GALK2: variants seen among roughly 807,000 people sequenced by gnomAD.
GALK2 encodes the protein N-acetylgalactosamine kinase.
In GALK2, 36 loss-of-function variants were observed where a neutral mutation model predicts 52.4. The observed-to-expected ratio is 0.69, with a 90% CI of 0.53 to 0.91. The LOEUF (loss-of-function observed/expected upper bound fraction) is 0.91, where lower values mean the gene tolerates loss of function less well. Among genes scored for constraint, GALK2 ranks in the 40% least tolerant of loss-of-function variants. The probability of loss-of-function intolerance (pLI) is 0.00; values close to 1 mark genes in which losing one functional copy is unlikely to be tolerated. For synonymous variants in GALK2, 176 were observed against 199.1 expected, an observed-to-expected ratio of 0.88 and a Z score of 0.98; for missense variants, 579 against 559.1, an observed-to-expected ratio of 1.04 and a Z score of -0.36.
chr15:49,185,939 G>C (rs2086307144), intron 1 of GALK2, among the ~76,000 whole-genome samples: 1 of 152,060 alleles, frequency 6.6e-6, no homozygotes, highest in Admixed American at 6.6e-5. Flanking sequence ...TTCTCTCCTA[G>C]CCTGTAAGGT....
intron 1 of GALK2, among the ~76,000 whole-genome samples, chr15:49,160,806 G>A (rs1027717295): frequency 1.3e-5 from 2 of 151,932 alleles, no homozygotes; most frequent in African/African-American, 2.4e-5. Flanking sequence ...AGGTGGAGGC[G>A]GAGGTTGCAG....
At chr15:49,192,508 T>C (rs939459475) in intron 1 of GALK2, among the ~76,000 whole-genome samples, 2 of 138,126 alleles carry the variant, frequency 1.4e-5, no homozygotes, top group African/African-American at 2.7e-5. Flanking sequence ...TATATATATA[T>C]ATATATATAT....
chr15:49,331,770 G>GA lies in GALK2; in HGVS notation c.*3615dup. 1.3e-6 allele frequency: 2 copies of GA among 1,543,038 alleles called. No individual in the cohort carries two copies. The highest frequency in any genetic ancestry group is 1.8e-6 in the Non-Finnish European group (2 of 1,115,706). The stretch of plus-strand genomic sequence containing the variant: ...GAGAATTCTCAATTATTTTCAGAAA[G>GA]AAAACCTACCAGTTTATGTAGGAAC... On this transcript the variant is annotated 3_prime_UTR_variant, in exon 10 of 10. Transcript: ENST00000560031.
At chr15:49,295,217 AT>A (rs2034352781) in intron 8 of GALK2, among the ~76,000 whole-genome samples, 1 of 151,980 alleles carries the variant, frequency 6.6e-6, no homozygotes, top group Admixed American at 6.6e-5. Context: ...AAGAAAAGAA[AT>A]ATAAGGTAAA....
In GALK2 at chr15:49,282,011, A is replaced by C. The variant is rs761963687; in HGVS notation, c.529A>C (p.Lys177Gln). The C allele has an allele frequency of 6.2e-7, 1 of 1,613,798 alleles. No individual in the cohort carries two copies. The highest frequency in any genetic ancestry group is 1.1e-5 in the South Asian group (1 of 91,010). ...SKVELAEICAKSERYIGTEGG... is the reference protein window; with the variant it reads ...SKVELAEICAQSERYIGTEGG... ...GGTGGAACTTGCAGAAATCTGTGCC[A>C]AGAGTGAGCGTTACATTGGCACTGA... Residue 177 changes from lysine to glutamine, a missense_variant, in exon 6 of 10, where the codon AAG (lysine) becomes CAG (glutamine). Coordinates refer to ENST00000560031, the MANE Select transcript of GALK2 (RefSeq NM_002044.4).
chr15:49,280,635 A>G (rs2032552395), intron 5 of GALK2, among the ~76,000 whole-genome samples: 1 of 152,130 alleles, frequency 6.6e-6, no homozygotes. Context: ...TTTCAGAATA[A>G]TTATTCTAGA....
intron 1 of GALK2, among the ~76,000 whole-genome samples, chr15:49,164,822 A>C (rs2084771187): frequency 6.6e-6 from 1 of 151,714 alleles, no homozygotes; most frequent in South Asian, 2.1e-4. Flanking sequence ...AAAAAGGAAA[A>C]AACAAAATAT....
intron 3 of GALK2, chr15:49,366,803 C>T (rs2045293528): frequency 1.8e-6 from 1 of 564,660 alleles, no homozygotes; most frequent in Non-Finnish European, 3.1e-6. Flanking sequence ...GGGATCGCCG[C>T]TGCTGCAGGG....
intron 1 of GALK2, among the ~76,000 whole-genome samples, chr15:49,176,123 A>G (rs1595885369): frequency 6.6e-6 from 1 of 152,242 alleles, no homozygotes. Flanking sequence ...AGGCCCAGAG[A>G]GACATGAATA....
intron 8 of GALK2, among the ~76,000 whole-genome samples, chr15:49,303,988 G>A (rs541424284): frequency 5.3e-5 from 8 of 152,274 alleles, no homozygotes; most frequent in African/African-American, 1.9e-4. Flanking sequence ...ATTATCAAAG[G>A]ATCAGCTGTG....
At chr15:49,357,255 A>G (rs1279783058) in intron 3 of GALK2, among the ~76,000 whole-genome samples, 2 of 151,112 alleles carry the variant, frequency 1.3e-5, no homozygotes, top group Non-Finnish European at 1.5e-5. Flanking sequence ...TGAAGGAAAT[A>G]GAGACACAAA....
chr15:49,200,505 T>C (rs929928465), intron 1 of GALK2, among the ~76,000 whole-genome samples: 46 of 152,208 alleles, frequency 3.0e-4, no homozygotes, highest in African/African-American at 1.0e-3. Context: ...ATATGACTGG[T>C]GTCCTTACAA....
chr15:49,172,164 CTATCTA>C (rs1431505767), intron 1 of GALK2, among the ~76,000 whole-genome samples: 1 of 152,192 alleles, frequency 6.6e-6, no homozygotes, highest in African/African-American at 2.4e-5. Flanking sequence ...ATCAACATTT[CTATCTA>C]TATTTACCCT....
intron 5 of GALK2, among the ~76,000 whole-genome samples, chr15:49,248,558 T>C (rs1365861104): frequency 6.6e-6 from 1 of 152,174 alleles, no homozygotes; most frequent in Non-Finnish European, 1.5e-5. Flanking sequence ...TAGTGTTAGC[T>C]CTGGGTGGCC....
intron 5 of GALK2, among the ~76,000 whole-genome samples, chr15:49,263,971 A>G (rs36130257): frequency 0.23 from 35,077 of 151,128 alleles, 4,974 homozygotes; most frequent in Admixed American, 0.37. Flanking sequence ...CTTTGAGGGT[A>G]ACCCGACCTT....
chr15:49,252,321 T>G (rs1404232586), intron 5 of GALK2, among the ~76,000 whole-genome samples: 1 of 152,080 alleles, frequency 6.6e-6, no homozygotes, highest in Non-Finnish European at 1.5e-5. Flanking sequence ...CTTGCTTTGC[T>G]TTTTCACTTA....
chr15:49,227,100 T>C (rs1310339122), intron 3 of GALK2, among the ~76,000 whole-genome samples: 3 of 152,242 alleles, frequency 2.0e-5, no homozygotes, highest in African/African-American at 4.8e-5. Flanking sequence ...GTATATTCTG[T>C]AGCTGCTGGA....
intron 3 of GALK2, among the ~76,000 whole-genome samples, chr15:49,358,184 G>A (rs2043515053): frequency 6.6e-6 from 1 of 151,546 alleles, no homozygotes; most frequent in Non-Finnish European, 1.5e-5. Context: ...GCACAAGACA[G>A]GGATGCCCTC....
At position 49,217,286 on chromosome 15, in the gene GALK2, A is replaced by G. The variant is rs2089456000; in HGVS notation, c.239A>G (p.Gln80Arg). The G allele has an allele frequency of 6.2e-7, 1 of 1,614,056 alleles. No individual in the cohort carries two copies. Among genetic ancestry groups the G allele is most frequent in the African/African-American group, 1.3e-5 (1 of 75,064 alleles). The change falls in exon 3 of 10, where the codon CAA becomes CGA. Residue 80 changes from glutamine (Q) to arginine (R), a missense_variant. Coordinates refer to ENST00000560031, the MANE Select transcript of GALK2 (RefSeq NM_002044.4). ...GAACCTGTGAAAACGTACGCTCTCC[A>G]ACTGGCCAATACAAATCCCTTGTAT... ...AVEPVKTYAL[Q>R]LANTNPLYPD... is the part of the protein sequence containing the mutation.
Sources: allele counts gnomAD v4.1 joint callset (sites outside exome capture counted in the v4.1 genomes callset), GRCh38; gene constraint gnomAD v4.1.1; transcripts MANE v1.5; gene names NCBI Gene and HGNC (gene_info 2026-07-23, HGNC 2026-07-21).